The following MAML3 variants were observed in gnomAD, a reference collection of about 807,000 sequenced individuals.
MAML3 encodes mastermind-like protein 3.
A neutral mutation model predicts 101.9 loss-of-function variants in MAML3; 27 were observed. The ratio of observed to expected loss-of-function variants is 0.27; its 90% confidence interval spans 0.20 to 0.37. The LOEUF is 0.37. Among genes scored for constraint, MAML3 ranks in the 10% least tolerant of loss-of-function variants. The pLI is 1.00. For synonymous variants in MAML3, 501 were observed against 555.9 expected, an observed-to-expected ratio of 0.90 and a Z score of 1.39; for missense variants, 1,316 against 1,444.9, an observed-to-expected ratio of 0.91 and a Z score of 1.45.
rs537988248 is a variant in MAML3 at position 139,733,556 on chromosome 4, T to TG, written c.2080-2890dup. On this transcript the variant is annotated intron_variant, in intron 2 of 4. Coordinates refer to ENST00000509479, the MANE Select transcript of MAML3 (RefSeq NM_018717.5). ...GAAGAAATACTTCAAAAGCACAGTG[T>TG]GAAAAAAAAAAAAAAAAAACCCTCC... Among the ~76,000 whole-genome samples the TG allele has an allele frequency of 4.6e-5, 4 of 86,254 alleles. No individual in the cohort carries two copies. In the South Asian group the frequency reaches 1.1e-3, roughly 24 times the overall value. The allele number at this position is 86,254 out of a possible 152,430, so 56.6% of individuals were successfully genotyped here. A position where few individuals can be genotyped will look rare whatever the true frequency, so the allele number is the denominator to read the frequency against.
intron 2 of MAML3, among the ~76,000 whole-genome samples, chr4:139,826,855 A>G (rs895058257): frequency 2.0e-5 from 3 of 152,202 alleles, no homozygotes; most frequent in Non-Finnish European, 2.9e-5. Flanking sequence ...CTCCCTTTGG[A>G]AAAAGAATGG....
At chr4:140,071,364 C>A (rs1296822132) in intron 1 of MAML3, among the ~76,000 whole-genome samples, 2 of 152,182 alleles carry the variant, frequency 1.3e-5, no homozygotes, top group African/African-American at 4.8e-5. Context: ...AAGACACATT[C>A]CTGCAGCTCC....
intron 1 of MAML3, among the ~76,000 whole-genome samples, chr4:140,130,350 AT>A (rs1728771546): frequency 6.6e-6 from 1 of 152,138 alleles, no homozygotes. Context: ...CACCCCCATA[AT>A]TTTATCTGCC....
Position 139,890,893 on chromosome 4 carries a change from A to G in MAML3, c.543T>C (p.Cys181=). 1 of 1,613,662 alleles carries G rather than the reference A, an allele frequency of 6.2e-7. No individual in the cohort carries two copies. Among genetic ancestry groups the G allele is most frequent in the Non-Finnish European group, 8.5e-7 (1 of 1,179,736 alleles). The change falls in exon 2 of 5, where the codon TGT becomes TGC. Residue 181 remains cysteine, a synonymous_variant. Coordinates refer to ENST00000509479, the MANE Select transcript of MAML3 (RefSeq NM_018717.5). This position sits in a 1 kb window ranked among gnomAD's most constrained non-coding sequence, Gnocchi z 4.1. The part of the protein sequence containing the change: ...PLNGDQQNGA[C]DGNFSPTSKR... Reference sequence around the variant, plus strand: ...TGCTAGTCGGAGAAAAATTCCCATCACAAGCACCATTCTGCTGGTCTCCAT... The same window carrying G: ...TGCTAGTCGGAGAAAAATTCCCATCGCAAGCACCATTCTGCTGGTCTCCAT...
intron 1 of MAML3, among the ~76,000 whole-genome samples, chr4:139,972,451 A>G (rs1361526156): frequency 6.6e-6 from 1 of 152,206 alleles, no homozygotes; most frequent in Middle Eastern, 3.2e-3. Context: ...TTATAGTCAC[A>G]TTTTGTTTTT....
chr4:139,946,914 C>T lies in MAML3; in HGVS notation c.469-55947G>A, dbSNP rs1733740169. The stretch of plus-strand genomic sequence containing the variant: ...CCACACACACACACACACACACACA[C>T]ACACACACACACTCTCTCTCTCTCT... On this transcript the variant is annotated intron_variant, in intron 1 of 4. Transcript: ENST00000509479. 3.3e-5 allele frequency among the ~76,000 whole-genome samples: 4 copies of T among 122,246 alleles called. No homozygotes were observed. The South Asian group carries it at 1.0e-3, about 31-fold the overall frequency. The allele number at this position is 122,246 out of a possible 152,430, so 80.2% of individuals were successfully genotyped here. A position where few individuals can be genotyped will look rare whatever the true frequency, so the allele number is the denominator to read the frequency against.
chr4:140,134,363 A>G (rs1352041799), intron 1 of MAML3: 1 of 456,718 alleles, frequency 2.2e-6, no homozygotes, highest in Admixed American at 2.3e-5. Context: ...CAGAACCCCA[A>G]TCATTTCTCC....
intron 2 of MAML3, among the ~76,000 whole-genome samples, chr4:139,882,547 T>C (rs894282905): frequency 5.3e-5 from 8 of 152,136 alleles, no homozygotes; most frequent in Non-Finnish European, 1.0e-4. Context: ...TAAATGTGTT[T>C]TCTAAACTGT....
chr4:140,067,297 AT>A (rs1349486792), intron 1 of MAML3, among the ~76,000 whole-genome samples: 1 of 152,114 alleles, frequency 6.6e-6, no homozygotes, highest in African/African-American at 2.4e-5. Flanking sequence ...CTCAGAAAGG[AT>A]TTAATTTACT....
At chr4:139,741,289 C>T (rs922853603) in intron 2 of MAML3, among the ~76,000 whole-genome samples, 6 of 152,160 alleles carry the variant, frequency 3.9e-5, no homozygotes, top group African/African-American at 9.7e-5. Flanking sequence ...ATACCTGGTC[C>T]GTGAGGGCCT....
chr4:139,860,438 C>G (rs921419465), intron 2 of MAML3, among the ~76,000 whole-genome samples: 1 of 152,274 alleles, frequency 6.6e-6, no homozygotes, highest in African/African-American at 2.4e-5. Flanking sequence ...GAACACGAGG[C>G]TGGGACACCA....
intron 1 of MAML3, among the ~76,000 whole-genome samples, chr4:139,981,368 G>A (rs1415577217): frequency 2.0e-5 from 3 of 152,126 alleles, no homozygotes; most frequent in Admixed American, 1.3e-4. Context: ...GAGGTACTAG[G>A]GCTTTAGAAT....
chr4:140,137,278 G>A (rs1728907507), intron 1 of MAML3, among the ~76,000 whole-genome samples: 1 of 152,202 alleles, frequency 6.6e-6, no homozygotes, highest in Non-Finnish European at 1.5e-5. Context: ...GTGAGCCACC[G>A]CGCCCGGCCT....
rs535538957 is a variant in MAML3 at position 140,083,927 on chromosome 4, C to T, written c.468+68933G>A. On this transcript the variant is annotated intron_variant, in intron 1 of 4. Coordinates refer to ENST00000509479, the MANE Select transcript of MAML3 (RefSeq NM_018717.5). ...GAAACACCCTAGATTGAAACACACA[C>T]GCGCGCACACACACACACACACACA... Among the ~76,000 whole-genome samples the T allele has an allele frequency of 2.9e-4, 29 of 100,126 alleles. No homozygotes were observed. In the South Asian group the frequency reaches 6.7e-3, roughly 23 times the overall value. 65.7% of individuals were successfully genotyped at this position (100,126 alleles called of 152,430 possible).
At chr4:139,892,669 A>G (rs1732524212) in intron 1 of MAML3, among the ~76,000 whole-genome samples, 1 of 151,424 alleles carries the variant, frequency 6.6e-6, no homozygotes, top group African/African-American at 2.4e-5. Context: ...CACTGTCTTT[A>G]GGTTAAAGTC....
At chr4:139,755,308 A>G (rs970117126) in intron 2 of MAML3, among the ~76,000 whole-genome samples, 3 of 152,250 alleles carry the variant, frequency 2.0e-5, no homozygotes, top group African/African-American at 7.2e-5. Context: ...TGTGGATTTA[A>G]GAAAACTGTG....
intron 1 of MAML3, among the ~76,000 whole-genome samples, chr4:139,979,825 G>A (rs1417025923): frequency 6.6e-6 from 1 of 152,178 alleles, no homozygotes; most frequent in Non-Finnish European, 1.5e-5. Flanking sequence ...CTAGAACTGT[G>A]AGAAAACAAA....
intron 3 of MAML3, among the ~76,000 whole-genome samples, chr4:139,728,528 T>C (rs1267256825): frequency 6.6e-6 from 1 of 152,208 alleles, no homozygotes; most frequent in African/African-American, 2.4e-5. Context: ...GGGAAGTTAG[T>C]GGTTTTTCCA....
intron 1 of MAML3, among the ~76,000 whole-genome samples, chr4:140,001,573 G>A (rs922794241): frequency 1.3e-5 from 2 of 152,178 alleles, no homozygotes; most frequent in Admixed American, 6.5e-5. Context: ...AGGGACAAAA[G>A]GCCAGAGAAA....
Sources: allele counts gnomAD v4.1 joint callset (sites outside exome capture counted in the v4.1 genomes callset), GRCh38; gene constraint gnomAD v4.1.1; non-coding constraint Gnocchi (gnomAD v3.1); transcripts MANE v1.5; gene names NCBI Gene and HGNC (gene_info 2026-07-23, HGNC 2026-07-21).